MYO16: variants seen among roughly 807,000 people sequenced by gnomAD.
MYO16 encodes unconventional myosin-XVI.
A neutral mutation model predicts 205.3 loss-of-function variants in MYO16; 94 were observed. That is an observed-to-expected ratio of 0.46 (90% CI 0.39 to 0.54). The LOEUF (loss-of-function observed/expected upper bound fraction) is 0.54. MYO16 is among the 20% of genes least tolerant of loss of function. The pLI is 0.00. For synonymous variants in MYO16, 988 were observed against 954.0 expected, an observed-to-expected ratio of 1.04 and a Z score of -0.66; for missense variants, 2,315 against 2,387.5, an observed-to-expected ratio of 0.97 and a Z score of 0.63.
At chr13:108,748,915 T>G (rs1193607308) in intron 4 of MYO16, among the ~76,000 whole-genome samples, 1 of 152,108 alleles carries the variant, frequency 6.6e-6, no homozygotes, top group East Asian at 1.9e-4. Flanking sequence ...TCTGATTTGG[T>G]GATAGGTTTT....
chr13:109,192,591 G>A (rs1302716407), intron 34 of MYO16, among the ~76,000 whole-genome samples: 4 of 152,122 alleles, frequency 2.6e-5, no homozygotes, highest in Admixed American at 2.0e-4. Context: ...TCATCTGACT[G>A]AAACTAGCCA....
At chr13:108,679,768 A>G (rs1882385031) in intron 2 of MYO16, among the ~76,000 whole-genome samples, 1 of 151,784 alleles carries the variant, frequency 6.6e-6, no homozygotes, top group African/African-American at 2.4e-5. Flanking sequence ...AAAATCTTGT[A>G]ATAATGCTTA....
intron 1 of MYO16, among the ~76,000 whole-genome samples, chr13:108,644,404 CTA>C (rs1880655739): frequency 6.8e-6 from 1 of 147,630 alleles, no homozygotes; most frequent in Non-Finnish European, 1.5e-5. Flanking sequence ...ATCTATCTAT[CTA>C]TCTATCTATC....
intron 27 of MYO16, among the ~76,000 whole-genome samples, chr13:109,056,981 G>A (rs955641419): frequency 6.6e-6 from 1 of 152,080 alleles, no homozygotes; most frequent in Non-Finnish European, 1.5e-5. Context: ...CCAAAAAAGA[G>A]AGATTTTGAG....
chr13:109,096,494 T>C (rs1369005763), intron 27 of MYO16, among the ~76,000 whole-genome samples: 1 of 152,168 alleles, frequency 6.6e-6, no homozygotes, highest in African/African-American at 2.4e-5. Context: ...CCCTGTGAAC[T>C]TGTGTAAGTG....
At chr13:108,643,960 G>A (rs1054895339) in intron 1 of MYO16, among the ~76,000 whole-genome samples, 1 of 152,156 alleles carries the variant, frequency 6.6e-6, no homozygotes, top group Non-Finnish European at 1.5e-5. Context: ...CATGGGATGG[G>A]AAATATTAGG....
At chr13:108,930,775 G>A (rs1406090738) in intron 16 of MYO16, among the ~76,000 whole-genome samples, 1 of 152,090 alleles carries the variant, frequency 6.6e-6, no homozygotes, top group African/African-American at 2.4e-5. Context: ...ACCACTATTT[G>A]TAAATAATAT....
chr13:109,052,490 G>T lies in MYO16; in HGVS notation c.3048+15G>T, dbSNP rs1229591901. On this transcript the variant is annotated intron_variant, in intron 25 of 34. Transcript: ENST00000457511. ...AACTTAGTAAGGTAGGAGTTTTTATGATTATTGTTGGATTATTTTTAATTT... is the reference window on the plus strand; with the variant it reads ...AACTTAGTAAGGTAGGAGTTTTTATTATTATTGTTGGATTATTTTTAATTT... 8.5e-6 allele frequency: 13 copies of T among 1,534,792 alleles called. No individual in the cohort carries two copies. The East Asian group carries it at 2.5e-4, about 30-fold the overall frequency.
intron 1 of MYO16, among the ~76,000 whole-genome samples, chr13:108,608,631 G>A (rs1879051824): frequency 7.2e-6 from 1 of 139,512 alleles, no homozygotes; most frequent in Non-Finnish European, 1.6e-5. Flanking sequence ...ACAAATATCT[G>A]AACCCACTTA....
chr13:108,963,498 T>C (rs114158898), intron 19 of MYO16, among the ~76,000 whole-genome samples: 49 of 152,298 alleles, frequency 3.2e-4, no homozygotes, highest in African/African-American at 1.1e-3. Flanking sequence ...AATTTATCAT[T>C]CTTTCCCTGC....
At chr13:108,648,969 G>A (rs553089835) in intron 1 of MYO16, among the ~76,000 whole-genome samples, 1 of 150,376 alleles carries the variant, frequency 6.6e-6, no homozygotes, top group South Asian at 2.1e-4. Context: ...GATTGACATT[G>A]ACAGCCATGA....
At chr13:108,641,273 T>C (rs1249203543) in intron 1 of MYO16, among the ~76,000 whole-genome samples, 8 of 152,172 alleles carry the variant, frequency 5.3e-5, no homozygotes, top group Non-Finnish European at 7.3e-5. Context: ...CTTTTGCTAA[T>C]AGAAAGGGGT....
chr13:109,045,347 A>G (rs1350166405), intron 23 of MYO16, among the ~76,000 whole-genome samples: 2 of 152,226 alleles, frequency 1.3e-5, no homozygotes, highest in African/African-American at 4.8e-5. Flanking sequence ...AGAAACGACC[A>G]AGTGTCCCCT....
At chr13:108,975,184 GT>G (rs200122414) in intron 20 of MYO16, among the ~76,000 whole-genome samples, 6 of 144,602 alleles carry the variant, frequency 4.1e-5, no homozygotes, top group Admixed American at 6.9e-5. Flanking sequence ...TTGGGATACT[GT>G]TTTTGTTTTT....
chr13:108,567,124 T>C, the MYO16 span, among the ~76,000 whole-genome samples: 2 of 152,004 alleles, frequency 1.3e-5, no homozygotes, highest in Non-Finnish European at 2.9e-5. Flanking sequence ...GCCATATAAG[T>C]TGGAGAGAGG....
rs373075071 is a variant in MYO16, at chr13:108,638,553, A to G, written c.28+8681A>G. On this transcript the variant is annotated intron_variant, in intron 1 of 34. Transcript: ENST00000457511. ...ATTTGCACATTTTCACTCAGTGACC[A>G]CCTCTAACTTCTTAACCTCTCGCTG... is the stretch of plus-strand genomic sequence containing the variant. Among the ~76,000 whole-genome samples, 28 of 152,116 alleles carry G rather than the reference A, an allele frequency of 1.8e-4. No individual in the cohort carries two copies. In the East Asian group the frequency reaches 3.1e-3, roughly 17 times the overall value.
chr13:108,829,487 A>C lies in MYO16; in HGVS notation c.1097+6209A>C, dbSNP rs577430243. 6.2e-4 allele frequency among the ~76,000 whole-genome samples: 95 copies of C among 152,328 alleles called. 1 individual carries two copies. The highest frequency in any genetic ancestry group is 2.2e-4 in the Non-Finnish European group (15 of 68,028). On this transcript the variant is annotated intron_variant, in intron 9 of 34. Coordinates refer to ENST00000457511, the MANE Select transcript of MYO16 (RefSeq NM_001198950.3). ...ATGGAGAAAATCTTATTTTCTAAGC[A>C]GCTGGAAAGAACATCTAATATCATA...
At chr13:108,737,658 G>A (rs1212993883) in intron 4 of MYO16, among the ~76,000 whole-genome samples, 2 of 152,192 alleles carry the variant, frequency 1.3e-5, no homozygotes, top group African/African-American at 4.8e-5. Context: ...CATAAAATGA[G>A]TTAGGGAGGA....
intron 9 of MYO16, among the ~76,000 whole-genome samples, chr13:108,828,346 G>T (rs1012383439): frequency 6.6e-6 from 1 of 152,110 alleles, no homozygotes; most frequent in Admixed American, 6.6e-5. Context: ...TGGTGCTTAT[G>T]GGCAGAGACT....
Sources: allele counts gnomAD v4.1 joint callset (sites outside exome capture counted in the v4.1 genomes callset), GRCh38; gene constraint gnomAD v4.1.1; transcripts MANE v1.5; gene names NCBI Gene and HGNC (gene_info 2026-07-23, HGNC 2026-07-21).